The following KNTC1 variants were observed in gnomAD, a reference collection of about 807,000 sequenced individuals.
KNTC1 encodes the protein kinetochore associated 1.
KNTC1 carries 253 observed loss-of-function variants against 314.4 expected under a neutral mutation model. The ratio of observed to expected loss-of-function variants is 0.80; its 90% CI spans 0.73 to 0.89. The LOEUF (loss-of-function observed/expected upper bound fraction) is 0.89. Ranked by LOEUF, KNTC1 falls within the 40% of genes least tolerant of loss-of-function variation. The pLI is 0.00. For missense variants in KNTC1, 2,475 were observed against 2,572.9 expected (o/e 0.96, Z 0.82); for synonymous variants, 901 against 901.4 (o/e 1.00, Z 0.01).
At chr12:122,556,476 ACT>A (rs1204177395) in intron 16 of KNTC1, among the ~76,000 whole-genome samples, 9 of 126,032 alleles carry the variant, frequency 7.1e-5, no homozygotes, top group East Asian at 2.3e-4. Flanking sequence ...TCACCATTCT[ACT>A]CTCTACTTTT....
chr12:122,599,924 G>A (rs958817847), intron 44 of KNTC1, among the ~76,000 whole-genome samples: 4 of 152,122 alleles, frequency 2.6e-5, no homozygotes, highest in African/African-American at 9.7e-5. Context: ...AAGCTGAAGA[G>A]GGGAGGATTG....
At chr12:122,612,604 A>G (rs1273095437) in intron 53 of KNTC1, among the ~76,000 whole-genome samples, 1 of 149,494 alleles carries the variant, frequency 6.7e-6, no homozygotes, top group East Asian at 2.0e-4. Flanking sequence ...TTTTTAGTAG[A>G]GACGTGGGTT....
intron 27 of KNTC1, among the ~76,000 whole-genome samples, 158 bp downstream of exon 27, chr12:122,574,538 G>C (rs1200704373): frequency 1.3e-5 from 2 of 152,188 alleles, no homozygotes; most frequent in East Asian, 3.8e-4. Context: ...ATGGTTCACT[G>C]CAGCCTCAAT....
At position 122,591,409 on chromosome 12, in the gene KNTC1, C is replaced by T. The variant is rs758551489; in HGVS notation, c.4201C>T (p.Leu1401Phe). The change falls in exon 42 of 64, where the codon CTC becomes TTC. Residue 1401 changes from leucine (L) to phenylalanine (F), a missense_variant. Physicochemically the swap from Leu to Phe is conservative, Grantham distance 22. Coordinates refer to ENST00000333479, the MANE Select transcript of KNTC1 (RefSeq NM_014708.6). The part of the protein sequence containing the change: ...EIEMGLKFRE[L>F]STDAQWGIRL... ...AGAAATGGGGCTTAAGTTCCGTGAA[C>T]TCAGTACTGATGCCCAGTGGGGCAT... 6.2e-7 allele frequency: 1 copy of T among 1,610,668 alleles called. No individual in the cohort carries two copies. Among genetic ancestry groups the T allele is most frequent in the Non-Finnish European group, 8.5e-7 (1 of 1,177,208 alleles).
At chr12:122,563,008 C>CA (rs34590470) in intron 20 of KNTC1, among the ~76,000 whole-genome samples, 45,775 of 142,460 alleles carry the variant, frequency 0.32, 8,385 homozygotes, top group Admixed American at 0.41. Context: ...GACTCGGTCT[C>CA]AAAAAAAAAA....
intron 43 of KNTC1, 74 bp downstream of exon 43, chr12:122,594,459 C>T: frequency 1.2e-6 from 1 of 857,358 alleles, no homozygotes; most frequent in Non-Finnish European, 1.9e-6. Context: ...ACAGTAATAA[C>T]GATGATTATT....
At chr12:122,586,467 T>C (rs1374153463) in intron 37 of KNTC1, among the ~76,000 whole-genome samples, 2 of 152,228 alleles carry the variant, frequency 1.3e-5, no homozygotes, top group African/African-American at 2.4e-5. Flanking sequence ...TTTTCCTGTG[T>C]ATATTTATTT....
rs748554980 is a variant in KNTC1 at position 122,570,810 on chromosome 12, G to A, written c.1861-66G>A. On this transcript the variant is annotated intron_variant, in intron 22 of 63. Coordinates refer to ENST00000333479, the MANE Select transcript of KNTC1 (RefSeq NM_014708.6). ...ATATTTAAAGGAAAAAAAAGAAATC[G>A]TGGAGGTTTTTAGTTATGTCAGTGA... The A allele has an allele frequency of 9.3e-5, 92 of 989,094 alleles. 1 individual carries two copies. In the South Asian group the frequency reaches 1.1e-3, roughly 12 times the overall value. The allele number at this position is 989,094 out of a possible 1,614,324, so 61.3% of individuals were successfully genotyped here. A position where few individuals can be genotyped will look rare whatever the true frequency, so the allele number is the denominator to read the frequency against.
At chr12:122,621,348 CGTTT>C (rs895615253) in intron 60 of KNTC1, among the ~76,000 whole-genome samples, 2 of 152,060 alleles carry the variant, frequency 1.3e-5, no homozygotes, top group Non-Finnish European at 2.9e-5. Flanking sequence ...CAGGCTTTTT[CGTTT>C]GTTTGTTTTT....
At position 122,527,289 on chromosome 12, in the gene KNTC1, T is replaced by A. The variant is rs1593454223; in HGVS notation, c.-136T>A. ...CATGGAACCTAAAGACTAGAGGCGG[T>A]TGTGTGAGTCAGGAAGAGGGGCCAG... On this transcript the variant is annotated 5_prime_UTR_variant, in exon 1 of 64. In the 5' UTR this introduces an upstream ATG that the reference lacks. Coordinates refer to ENST00000333479, the MANE Select transcript of KNTC1 (RefSeq NM_014708.6). 4.7e-6 allele frequency: 1 copy of A among 213,018 alleles called. No homozygotes were observed. Among genetic ancestry groups the A allele is most frequent in the Admixed American group, 5.7e-5 (1 of 17,582 alleles). The allele number at this position is 213,018 out of a possible 1,614,324, so 13.2% of individuals were successfully genotyped here.
chr12:122,559,935 G>A lies in KNTC1; in HGVS notation c.1489-1986G>A, dbSNP rs184567819. ...ACATTCATAATCACATTCGGCCATC[G>A]TCCATCTCCCCAACTCTTTTCATCG... On this transcript the variant is annotated intron_variant, in intron 18 of 63. Transcript: ENST00000333479. Among the ~76,000 whole-genome samples, 5 of 152,170 alleles carry A rather than the reference G, an allele frequency of 3.3e-5. No homozygotes were observed. The East Asian group carries it at 9.6e-4, about 29-fold the overall frequency.
At chr12:122,597,542 C>T (rs565324072) in intron 43 of KNTC1, 189 bp from the exon 44 acceptor site, 17 of 570,736 alleles carry the variant, frequency 3.0e-5, no homozygotes, top group Admixed American at 1.6e-4. Flanking sequence ...CCACTGCACC[C>T]GGCCTAATAT....
chr12:122,552,428 G>T (rs1006027518), intron 16 of KNTC1, among the ~76,000 whole-genome samples: 1 of 152,136 alleles, frequency 6.6e-6, no homozygotes, highest in African/African-American at 2.4e-5. Flanking sequence ...ACAGTGGGGC[G>T]ATCACAGCTT....
At chr12:122,543,783 A>AT in intron 7 of KNTC1, 149 bp downstream of exon 7, 1 of 609,340 alleles carries the variant, frequency 1.6e-6, no homozygotes, top group Non-Finnish European at 2.7e-6. Flanking sequence ...TTAAAAATAC[A>AT]TTTATGCCCG....
intron 1 of KNTC1, chr12:122,527,792 C>G (rs1163669411): frequency 6.6e-6 from 1 of 152,298 alleles, no homozygotes; most frequent in Non-Finnish European, 1.5e-5. Flanking sequence ...ACTCTGTTCC[C>G]TCTGCCTACG....
chr12:122,597,726 T>A lies in KNTC1; in HGVS notation c.4356-5T>A. The stretch of plus-strand genomic sequence containing the variant: ...AGACTGGTGTGTATTGAATGCTTCT[T>A]TTAGCACATTTCAGTTGGACTGCGA... On this transcript the variant is annotated splice_region_variant and splice_polypyrimidine_tract_variant and intron_variant, in intron 43 of 63. Transcript: ENST00000333479. The A allele has an allele frequency of 6.2e-7, 1 of 1,613,416 alleles. No homozygotes were observed. Among genetic ancestry groups the A allele is most frequent in the Non-Finnish European group, 8.5e-7 (1 of 1,179,462 alleles).
At chr12:122,538,687 C>CT (rs1402943512) in intron 4 of KNTC1, among the ~76,000 whole-genome samples, 1 of 152,086 alleles carries the variant, frequency 6.6e-6, no homozygotes, top group African/African-American at 2.4e-5. Context: ...GTTTAGTAGG[C>CT]TTGTGGCTCA....
intron 31 of KNTC1, among the ~76,000 whole-genome samples, chr12:122,578,875 G>A (rs944119649): frequency 1.3e-5 from 2 of 152,058 alleles, no homozygotes. Context: ...GCTACTTCTT[G>A]TTCATAACAA....
At chr12:122,566,237 G>T (rs989586790) in intron 20 of KNTC1, among the ~76,000 whole-genome samples, 1 of 151,086 alleles carries the variant, frequency 6.6e-6, no homozygotes, top group Non-Finnish European at 1.5e-5. Context: ...CACTGCGCCC[G>T]GCCTAAATCT....
Sources: gnomAD v4.1 joint callset for allele counts (sites outside exome capture counted in the v4.1 genomes callset) on GRCh38, gnomAD v4.1.1 for gene constraint, MANE v1.5 for transcripts, NCBI Gene and HGNC (gene_info 2026-07-23, HGNC 2026-07-21) for gene names.